The following GPRASP3 variants were observed in gnomAD, a reference collection of about 807,000 sequenced individuals.
GPRASP3 encodes the protein G protein-coupled receptor associated sorting protein 3.
chrX:102,749,220 G>A, the GPRASP3 span: 1 of 1,211,917 alleles, frequency 8.3e-7, no homozygotes, highest in Non-Finnish European at 1.1e-6. Context: ...AAGGAGCTCT[G>A]TCAGAGCCTA....
chrX:102,748,076 C>G, the GPRASP3 span, among the ~76,000 whole-genome samples: 1 of 111,374 alleles, frequency 9.0e-6, no homozygotes, highest in East Asian at 2.8e-4. Context: ...AGGATTATGC[C>G]TATGAGGTAA....
chrX:102,725,707 C>T, the GPRASP3 span, among the ~76,000 whole-genome samples: 2 of 110,434 alleles, frequency 1.8e-5, no homozygotes, highest in African/African-American at 3.3e-5. Context: ...AATTTATGCC[C>T]GGCTAATTTT....
At chrX:102,731,685 G>T in the GPRASP3 span, among the ~76,000 whole-genome samples, 1 of 110,722 alleles carries the variant, frequency 9.0e-6, no homozygotes, top group Non-Finnish European at 1.9e-5. Flanking sequence ...GCTTGGAAGA[G>T]ACCCAAGCGT....
At chrX:102,734,078 C>T in the GPRASP3 span, among the ~76,000 whole-genome samples, 4 of 111,060 alleles carry the variant, frequency 3.6e-5, no homozygotes, top group Non-Finnish European at 5.7e-5. Context: ...AGGCAGGGAC[C>T]GGCCATTTTC....
the GPRASP3 span, among the ~76,000 whole-genome samples, chrX:102,746,395 G>C: frequency 6.2e-5 from 7 of 112,961 alleles, no homozygotes; most frequent in Non-Finnish European, 9.4e-5. Flanking sequence ...GGCACCGTCA[G>C]ATCGTCTGGA....
the GPRASP3 span, among the ~76,000 whole-genome samples, chrX:102,741,607 A>G: frequency 8.9e-6 from 1 of 112,125 alleles, no homozygotes; most frequent in Admixed American, 9.4e-5. Context: ...TCAATTTTAG[A>G]GAGGCAATGC....
At chrX:102,728,176 G>T in the GPRASP3 span, among the ~76,000 whole-genome samples, 1 of 111,732 alleles carries the variant, frequency 8.9e-6, no homozygotes, top group African/African-American at 3.3e-5. Context: ...TTAAGTTACA[G>T]TTCCTCAGAC....
At chrX:102,737,879 G>A in the GPRASP3 span, among the ~76,000 whole-genome samples, 2 of 111,139 alleles carry the variant, frequency 1.8e-5, no homozygotes, top group Admixed American at 1.9e-4. Flanking sequence ...AATAAGTGTG[G>A]GCTATTTTAG....
At chrX:102,736,451 T>C in the GPRASP3 span, among the ~76,000 whole-genome samples, 1 of 111,970 alleles carries the variant, frequency 8.9e-6, no homozygotes, top group Non-Finnish European at 1.9e-5. Context: ...AATTGGATTA[T>C]TGGCTTCAGG....
the GPRASP3 span, among the ~76,000 whole-genome samples, chrX:102,723,638 A>C: frequency 9.0e-6 from 1 of 111,543 alleles, no homozygotes; most frequent in Admixed American, 9.6e-5. Context: ...ACACAGCTTC[A>C]AAAAATCTTG....
At chrX:102,748,619 C>T in the GPRASP3 span, 1 of 145,044 alleles carries the variant, frequency 6.9e-6, no homozygotes, top group Non-Finnish European at 1.4e-5. Context: ...TTCTACTCTC[C>T]TATGTCCTTC....
At chrX:102,740,392 A>G in the GPRASP3 span, among the ~76,000 whole-genome samples, 1 of 112,346 alleles carries the variant, frequency 8.9e-6, no homozygotes, top group African/African-American at 3.2e-5. Flanking sequence ...CCGAATCTTA[A>G]CCAAGACCAA....
the GPRASP3 span, among the ~76,000 whole-genome samples, chrX:102,723,268 C>T: frequency 1.8e-5 from 2 of 111,927 alleles, no homozygotes; most frequent in African/African-American, 6.5e-5. Flanking sequence ...TCTAATCCCA[C>T]TCCTATCCTT....
chrX:102,748,993 A>G, the GPRASP3 span: 7 of 1,200,087 alleles, frequency 5.8e-6, no homozygotes, highest in East Asian at 3.0e-5. Flanking sequence ...CTGGGCTTCA[A>G]CCATGGCTGG....
the GPRASP3 span, chrX:102,750,711 A>G: frequency 4.8e-6 from 4 of 841,389 alleles, no homozygotes; most frequent in Non-Finnish European, 6.5e-6. Flanking sequence ...TGTACACATT[A>G]TACACTGCAT....
the GPRASP3 span, among the ~76,000 whole-genome samples, chrX:102,738,272 C>T: frequency 8.9e-6 from 1 of 112,088 alleles, no homozygotes; most frequent in African/African-American, 3.2e-5. Context: ...AAAAGGTGTC[C>T]TCTCTTTCTT....
At chrX:102,746,412 C>G in the GPRASP3 span, among the ~76,000 whole-genome samples, 1 of 112,860 alleles carries the variant, frequency 8.9e-6, no homozygotes, top group Non-Finnish European at 1.9e-5. Flanking sequence ...TGGAGGAGAA[C>G]CGCGCTGACC....
the GPRASP3 span, among the ~76,000 whole-genome samples, chrX:102,725,573 C>T: frequency 9.5e-6 from 1 of 105,783 alleles, no homozygotes; most frequent in African/African-American, 3.5e-5. Flanking sequence ...GTCACCCAGG[C>T]TGGAGTGCAG....
At chrX:102,750,563 T>C in the GPRASP3 span, 14 of 1,202,543 alleles carry the variant, frequency 1.2e-5, no homozygotes, top group Non-Finnish European at 1.6e-5. Context: ...GGCTCAATTG[T>C]AGTTGTTGAT....
Sources: allele counts gnomAD v4.1 joint callset (sites outside exome capture counted in the v4.1 genomes callset), GRCh38; gene constraint gnomAD v4.1.1; transcripts MANE v1.5; gene names NCBI Gene and HGNC (gene_info 2026-07-23, HGNC 2026-07-21).